Variants in SMYD3 observed in about 807,000 individuals in gnomAD.
SMYD3 encodes histone-lysine N-methyltransferase SMYD3.
In SMYD3, 36 loss-of-function variants were observed where a neutral mutation model predicts 57.7. The observed-to-expected ratio is 0.62, with a 90% CI of 0.48 to 0.82. The LOEUF (loss-of-function observed/expected upper bound fraction) is 0.82. Ranked by LOEUF, SMYD3 falls within the 40% of genes least tolerant of loss-of-function variation. The probability of loss-of-function intolerance (pLI) is 0.00; values close to 1 mark genes in which losing one functional copy is unlikely to be tolerated. For missense variants in SMYD3, 515 were observed against 538.8 expected, an observed-to-expected ratio of 0.96 and a Z score of 0.44; for synonymous variants, 211 against 195.0, an observed-to-expected ratio of 1.08 and a Z score of -0.68.
At chr1:246,491,156 G>A (rs927177855) in intron 1 of SMYD3, among the ~76,000 whole-genome samples, 1 of 152,190 alleles carries the variant, frequency 6.6e-6, no homozygotes, top group Non-Finnish European at 1.5e-5. Flanking sequence ...ACTGAGACCA[G>A]TCAGACTAAA....
intron 5 of SMYD3, chr1:246,178,775 G>A (rs2062478873): frequency 6.6e-6 from 1 of 151,918 alleles, no homozygotes; most frequent in Non-Finnish European, 1.5e-5. Flanking sequence ...CCAGCCTGTA[G>A]CCATGTTCTA....
intron 5 of SMYD3, among the ~76,000 whole-genome samples, chr1:246,111,152 A>T (rs1279660927): frequency 6.6e-6 from 1 of 152,106 alleles, no homozygotes; most frequent in Non-Finnish European, 1.5e-5. Flanking sequence ...CATACCCTCT[A>T]CAATAGTTCA....
intron 2 of SMYD3, among the ~76,000 whole-genome samples, chr1:246,339,612 G>C (rs893316215): frequency 2.0e-5 from 3 of 152,090 alleles, no homozygotes; most frequent in Non-Finnish European, 2.9e-5. Flanking sequence ...ACCCACCCTA[G>C]GGATTCTGAC....
At chr1:246,232,707 G>A (rs1244702511) in intron 5 of SMYD3, among the ~76,000 whole-genome samples, 3,238 of 131,630 alleles carry the variant, frequency 0.025, 316 homozygotes, top group East Asian at 0.18. Flanking sequence ...CAGAGGAGAA[G>A]CACTCCTTCA....
chr1:245,986,695 C>G (rs754566329), intron 5 of SMYD3, among the ~76,000 whole-genome samples: 2 of 152,184 alleles, frequency 1.3e-5, no homozygotes, highest in Non-Finnish European at 2.9e-5. Flanking sequence ...TCTCCACTCT[C>G]GGTTGTTCCA....
chr1:246,290,988 C>A (rs957576900), intron 5 of SMYD3, among the ~76,000 whole-genome samples: 1 of 151,910 alleles, frequency 6.6e-6, no homozygotes, highest in Non-Finnish European at 1.5e-5. Context: ...AAAAACAAGA[C>A]TATTTGTTAC....
chr1:246,354,817 T>TAC (rs1045427224), intron 2 of SMYD3, among the ~76,000 whole-genome samples: 13 of 152,148 alleles, frequency 8.5e-5, no homozygotes, highest in East Asian at 5.8e-4. Context: ...AGTAGACATA[T>TAC]ACACACACAC....
At chr1:246,056,388 T>C (rs2060151946) in intron 5 of SMYD3, among the ~76,000 whole-genome samples, 1 of 152,124 alleles carries the variant, frequency 6.6e-6, no homozygotes, top group Admixed American at 6.5e-5. Flanking sequence ...TAACCTCCAT[T>C]TCATATGTTA....
chr1:246,444,608 G>A (rs1268804702), intron 1 of SMYD3, among the ~76,000 whole-genome samples: 2 of 152,182 alleles, frequency 1.3e-5, no homozygotes, highest in African/African-American at 4.8e-5. Flanking sequence ...TGCCACAGGT[G>A]CTCTCAGGCA....
chr1:246,292,344 A>G (rs1225834442), intron 5 of SMYD3, among the ~76,000 whole-genome samples: 1 of 117,314 alleles, frequency 8.5e-6, no homozygotes, highest in Non-Finnish European at 1.8e-5. Context: ...ACACCAGTAC[A>G]TTAGACTTAC....
intron 5 of SMYD3, among the ~76,000 whole-genome samples, chr1:246,066,010 T>C (rs1395182185): frequency 1.3e-5 from 2 of 152,210 alleles, no homozygotes; most frequent in Non-Finnish European, 2.9e-5. Context: ...TTTCATTAAT[T>C]TGCCTTATAA....
chr1:246,407,874 A>G (rs966521301), intron 1 of SMYD3, among the ~76,000 whole-genome samples: 2 of 150,906 alleles, frequency 1.3e-5, no homozygotes, highest in African/African-American at 4.8e-5. Context: ...TAAATTATAT[A>G]TATATATTCA....
intron 5 of SMYD3, among the ~76,000 whole-genome samples, chr1:246,160,046 A>C (rs1029103394): frequency 1.3e-5 from 2 of 152,182 alleles, no homozygotes; most frequent in Non-Finnish European, 2.9e-5. Context: ...ATTAGGAATG[A>C]GAGGAGACAC....
chr1:245,940,583 A>G (rs2147893396), intron 5 of SMYD3, among the ~76,000 whole-genome samples: 1 of 151,990 alleles, frequency 6.6e-6, no homozygotes, highest in South Asian at 2.1e-4. Flanking sequence ...AACAAAACAA[A>G]ACAAAAAAAA....
intron 10 of SMYD3, among the ~76,000 whole-genome samples, chr1:245,792,223 G>A (rs2148189916): frequency 6.6e-6 from 1 of 152,240 alleles, no homozygotes; most frequent in South Asian, 2.1e-4. Flanking sequence ...CTAGATGAGT[G>A]TTACCTCAAT....
chr1:246,341,569 CA>C (rs1441008042), intron 2 of SMYD3, among the ~76,000 whole-genome samples: 2 of 152,092 alleles, frequency 1.3e-5, no homozygotes, highest in Admixed American at 1.3e-4. Context: ...AAATTAAGGC[CA>C]TACAAAAAGA....
chr1:246,222,413 C>T (rs1039668152), intron 5 of SMYD3, among the ~76,000 whole-genome samples: 5 of 152,054 alleles, frequency 3.3e-5, no homozygotes, highest in Non-Finnish European at 4.4e-5. Flanking sequence ...GGATTTGAGC[C>T]GATCTGTGCC....
chr1:246,480,770 T>A (rs755541294), intron 1 of SMYD3, among the ~76,000 whole-genome samples: 1 of 152,150 alleles, frequency 6.6e-6, no homozygotes, highest in Non-Finnish European at 1.5e-5. Flanking sequence ...AATGCAATTA[T>A]CCAAGTTACC....
intron 4 of SMYD3, 42 bp from the exon 5 acceptor site, chr1:246,327,379 C>T (rs760105620): frequency 1.9e-6 from 3 of 1,558,400 alleles, no homozygotes; most frequent in Admixed American, 3.7e-5. Flanking sequence ...TCAAAGTAAA[C>T]TTCTGAAGGA....
Sources: gnomAD v4.1 joint callset for allele counts (sites outside exome capture counted in the v4.1 genomes callset) on GRCh38, gnomAD v4.1.1 for gene constraint, MANE v1.5 for transcripts, NCBI Gene and HGNC (gene_info 2026-07-23, HGNC 2026-07-21) for gene names.